The following MRNIP variants were observed in gnomAD, a reference collection of about 807,000 sequenced individuals.
MRNIP encodes MRN complex interacting protein.
Under a neutral mutation model 29.8 loss-of-function variants are expected in MRNIP, and 30 were observed. The observed-to-expected ratio is 1.01, with a 90% CI of 0.75 to 1.36. MRNIP has a LOEUF of 1.36. Among genes scored for constraint, MRNIP ranks in the 40% most tolerant of loss-of-function variants. The pLI is 0.00. For synonymous variants in MRNIP, 201 were observed against 164.1 expected, an observed-to-expected ratio of 1.23 and a Z score of -1.72; for missense variants, 459 against 423.5, an observed-to-expected ratio of 1.08 and a Z score of -0.74.
intron 5 of MRNIP, chr5:179,841,579 T>C (rs1279670031): frequency 3.6e-6 from 1 of 277,996 alleles, no homozygotes; most frequent in Admixed American, 4.9e-5. Flanking sequence ...AGGCCTCTGC[T>C]TCTCTGAGCT....
chr5:179,842,497 G>A (rs1190649262), intron 4 of MRNIP, among the ~76,000 whole-genome samples: 1 of 149,052 alleles, frequency 6.7e-6, no homozygotes, highest in Non-Finnish European at 1.5e-5. Context: ...TGGCCAATAC[G>A]GTGAAACCCC....
intron 2 of MRNIP, among the ~76,000 whole-genome samples, chr5:179,849,990 G>C (rs960166891): frequency 6.6e-6 from 1 of 151,810 alleles, no homozygotes; most frequent in African/African-American, 2.4e-5. Context: ...GGCACAGGTA[G>C]ATGGTACGAG....
rs1650893 is a variant in MRNIP at position 179,853,379 on chromosome 5, T to C, written c.125A>G (p.Gln42Arg). Residue 42 changes from glutamine (Q) to arginine (R), a missense_variant and splice_region_variant, in exon 2 of 7, where the codon CAG becomes CGG. Coordinates refer to ENST00000292586, the MANE Select transcript of MRNIP (RefSeq NM_016175.4). ...TGCTTTCTGTTTTGTAGGACTCACC[T>C]GCAAAAAGGACTGCTTCTCTCCACA... ...KACGEKQSFL[Q>R]AYGEGSGADC... 0.58 allele frequency: 935,426 copies of C among 1,611,300 alleles called. 279,228 individuals are homozygous for C. Among genetic ancestry groups the C allele is most frequent in the African/African-American group, 0.88 (66,239 of 75,000 alleles).
chr5:179,853,306 G>C, intron 2 of MRNIP, 72 bp downstream of exon 2: 1 of 1,596,022 alleles, frequency 6.3e-7, no homozygotes, highest in Non-Finnish European at 8.6e-7. Flanking sequence ...CCCAGCTGTG[G>C]CATGCTGGGA....
At chr5:179,858,029 AAG>A in intron 1 of MRNIP, among the ~76,000 whole-genome samples, 1 of 54,654 alleles carries the variant, frequency 1.8e-5, no homozygotes, top group South Asian at 1.2e-3. Context: ...AAAAAAAAAG[AAG>A]AAGAAGTCTG....
chr5:179,858,047 A>C (rs537273620), intron 1 of MRNIP, among the ~76,000 whole-genome samples: 2 of 150,876 alleles, frequency 1.3e-5, no homozygotes, highest in African/African-American at 4.9e-5. Context: ...GTCTGATGCT[A>C]TTCTTTCTCA....
rs536497625 is a variant in MRNIP, at chr5:179,858,694, C to G, written c.66+37G>C. On this transcript the variant is annotated intron_variant, in intron 1 of 6. Transcript: ENST00000292586. ...CGCCACTCCCCGTCCGCTGTCCCCG[C>G]GCCGGAGGAGGAGGAGGGGGCTGGC... is the stretch of plus-strand genomic sequence containing the variant. 4 of 1,350,118 alleles carry G rather than the reference C, an allele frequency of 3.0e-6. No individual in the cohort carries two copies. In the East Asian group the frequency reaches 1.1e-4, roughly 36 times the overall value. The allele number at this position is 1,350,118 out of a possible 1,614,324, so 83.6% of individuals were successfully genotyped here. A position where few individuals can be genotyped will look rare whatever the true frequency, so the allele number is the denominator to read the frequency against.
intron 4 of MRNIP, among the ~76,000 whole-genome samples, chr5:179,843,645 T>G (rs1455774325): frequency 1.3e-5 from 2 of 151,950 alleles, no homozygotes; most frequent in African/African-American, 2.4e-5. Flanking sequence ...GAGCCTGAGG[T>G]GGGAGGATCA....
intron 1 of MRNIP, among the ~76,000 whole-genome samples, chr5:179,858,372 C>T (rs902430607): frequency 1.3e-5 from 2 of 152,188 alleles, no homozygotes; most frequent in Admixed American, 6.5e-5. Context: ...GGGACGCCGC[C>T]GCGGCGCGCT....
intron 5 of MRNIP, chr5:179,841,393 T>A (rs1002439598): frequency 1.1e-5 from 2 of 185,562 alleles, no homozygotes; most frequent in African/African-American, 2.4e-5. Context: ...CCTCCCAAAG[T>A]GCTGGGATTA....
Position 179,848,051 on chromosome 5 carries a change from A to C in MRNIP, c.142T>G (p.Ser48Ala), listed in dbSNP as rs144141070. 526 of 1,613,966 alleles carry C rather than the reference A, an allele frequency of 3.3e-4. 1 individual carries two copies. In the African/African-American group the frequency reaches 6.3e-3, roughly 19 times the overall value. Residue 48 changes from serine to alanine, a missense_variant, in exon 3 of 7, where the codon TCT becomes GCT. Physicochemically the swap from Ser to Ala is moderately conservative, Grantham distance 99. Transcript: ENST00000292586. ...ACATGGCGTCTACAATCAGCACCAG[A>C]GCCTTCACCATAAGCCTGAGAAACC... is the stretch of plus-strand genomic sequence containing the variant. Reference protein sequence around the residue: ...QSFLQAYGEGSGADCRRHVQK... With the variant: ...QSFLQAYGEGAGADCRRHVQK...
In MRNIP at chr5:179,853,530, T is replaced by C. The variant is rs1236602815; in HGVS notation, c.67-93A>G. On this transcript the variant is annotated intron_variant, in intron 1 of 6. Coordinates refer to ENST00000292586, the MANE Select transcript of MRNIP (RefSeq NM_016175.4). ...GGTGGCTCATGCCTGTAATCCCCCT[T>C]TGGGAGGCCGAGGCGGGCAGATCAC... The C allele has an allele frequency of 3.9e-6, 4 of 1,018,770 alleles. No individual in the cohort carries two copies. In the African/African-American group the frequency reaches 4.8e-5, roughly 12 times the overall value. The allele number at this position is 1,018,770 out of a possible 1,614,324, so 63.1% of individuals were successfully genotyped here. A position where few individuals can be genotyped will look rare whatever the true frequency, so the allele number is the denominator to read the frequency against.
chr5:179,840,641 T>C (rs1758839961), intron 6 of MRNIP: 10 of 585,928 alleles, frequency 1.7e-5, no homozygotes, highest in South Asian at 1.7e-4. Flanking sequence ...AGGGTCACAA[T>C]GCTCTTTGGT....
At chr5:179,852,449 G>C (rs556002018) in intron 2 of MRNIP, among the ~76,000 whole-genome samples, 2 of 152,296 alleles carry the variant, frequency 1.3e-5, no homozygotes, top group African/African-American at 4.8e-5. Flanking sequence ...GCCCAACAAG[G>C]TTGGGCCAGT....
intron 2 of MRNIP, chr5:179,851,541 G>C (rs1759366423): frequency 2.3e-6 from 1 of 431,258 alleles, no homozygotes; most frequent in Admixed American, 2.4e-5. Context: ...CAGTTCTTGG[G>C]GCTAGTTTTT....
chr5:179,844,094 T>G, intron 4 of MRNIP, 58 bp downstream of exon 4: 4 of 1,378,994 alleles, frequency 2.9e-6, no homozygotes, highest in Non-Finnish European at 4.1e-6. Flanking sequence ...GATACATCTG[T>G]GCATTCATCC....
chr5:179,854,074 G>A (rs1172458705), intron 1 of MRNIP, among the ~76,000 whole-genome samples: 8 of 144,620 alleles, frequency 5.5e-5, no homozygotes, highest in Admixed American at 5.0e-4. Context: ...AGGCTGGAGT[G>A]CAGCGGCGCA....
intron 3 of MRNIP, among the ~76,000 whole-genome samples, chr5:179,846,411 G>T (rs1476670510): frequency 1.3e-5 from 2 of 151,914 alleles, no homozygotes; most frequent in Non-Finnish European, 2.9e-5. Flanking sequence ...AGCCTCCCTA[G>T]TAGCTGGGAT....
intron 6 of MRNIP, 178 bp from the exon 7 acceptor site, chr5:179,838,063 TCCACCTCA>T: frequency 1.6e-6 from 1 of 616,980 alleles, no homozygotes; most frequent in Non-Finnish European, 2.8e-6. Context: ...ATAAATGCCT[TCCACCTCA>T]CCGCAAACCT....
Sources: gnomAD v4.1 joint callset for allele counts (sites outside exome capture counted in the v4.1 genomes callset) on GRCh38, gnomAD v4.1.1 for gene constraint, MANE v1.5 for transcripts, NCBI Gene and HGNC (gene_info 2026-07-23, HGNC 2026-07-21) for gene names.